The following DIP2B variants were observed in gnomAD, a reference collection of about 807,000 sequenced individuals.
DIP2B encodes the protein disco-interacting protein 2 homolog B.
DIP2B carries 76 observed loss-of-function variants against 198.0 expected under a neutral mutation model. The observed-to-expected ratio is 0.38, with a 90% CI of 0.32 to 0.46. The LOEUF (loss-of-function observed/expected upper bound fraction) is 0.46, where lower values mean the gene tolerates loss of function less well. Ranked by LOEUF, DIP2B falls within the 20% of genes least tolerant of loss-of-function variation. DIP2B has a pLI of 0.99. For synonymous variants in DIP2B, 701 were observed against 739.1 expected, an observed-to-expected ratio of 0.95 and a Z score of 0.84; for missense variants, 1,559 against 1,978.4, an observed-to-expected ratio of 0.79 and a Z score of 4.02.
Position 50,594,163 on chromosome 12 carries a change from C to T in DIP2B, c.101-31813C>T, listed in dbSNP as rs188010087. Reference sequence around the variant, plus strand: ...TTCACCCTGTTGGCTGGGCTGGTCTCGAATTCCTGAGCTCAGGTAATCCAC... The same window carrying T: ...TTCACCCTGTTGGCTGGGCTGGTCTTGAATTCCTGAGCTCAGGTAATCCAC... On this transcript the variant is annotated intron_variant, in intron 1 of 37. Coordinates refer to ENST00000301180, the MANE Select transcript of DIP2B (RefSeq NM_173602.3). Among the ~76,000 whole-genome samples the T allele has an allele frequency of 7.9e-4, 119 of 151,286 alleles. 3 individuals are homozygous for T. Among genetic ancestry groups the T allele is most frequent in the Admixed American group, 6.5e-3 (98 of 15,170 alleles).
chr12:50,514,156 C>G (rs982687727), intron 1 of DIP2B, among the ~76,000 whole-genome samples: 1 of 150,792 alleles, frequency 6.6e-6, no homozygotes, highest in Non-Finnish European at 1.5e-5. Context: ...ACCTCCGCCT[C>G]CCGGGTTCAA....
intron 18 of DIP2B, among the ~76,000 whole-genome samples, 175 bp downstream of exon 18, chr12:50,698,642 G>A (rs1013085625): frequency 1.6e-4 from 24 of 152,324 alleles, no homozygotes; most frequent in African/African-American, 5.5e-4. Flanking sequence ...CCTTCCAGCA[G>A]TATTGTATGA....
intron 1 of DIP2B, among the ~76,000 whole-genome samples, chr12:50,534,662 C>T (rs1209610342): frequency 6.6e-6 from 1 of 152,168 alleles, no homozygotes; most frequent in Non-Finnish European, 1.5e-5. Flanking sequence ...CCATGCCCGG[C>T]CTCAGTTGGT....
chr12:50,664,032 G>A (rs776480748), intron 4 of DIP2B, among the ~76,000 whole-genome samples: 1 of 152,058 alleles, frequency 6.6e-6, no homozygotes, highest in Non-Finnish European at 1.5e-5. Flanking sequence ...TTGGGTCAAG[G>A]CTGTCACTCT....
intron 1 of DIP2B, among the ~76,000 whole-genome samples, chr12:50,593,712 T>TCCC (rs1958842072): frequency 1.2e-4 from 1 of 8,544 alleles, no homozygotes; most frequent in African/African-American, 9.8e-4. Context: ...TCTCCCCTCC[T>TCCC]CTCCTCTCCT....
rs368161539 is a variant in DIP2B at position 50,516,267 on chromosome 12, C to T, written c.100+11027C>T. On this transcript the variant is annotated intron_variant, in intron 1 of 37. Coordinates refer to ENST00000301180, the MANE Select transcript of DIP2B (RefSeq NM_173602.3). ...TCTCTATCTCTATCTCTATCTCTATCTCTATATCGAGAGAGTCTTGCTCGT... is the reference window on the plus strand; with the variant it reads ...TCTCTATCTCTATCTCTATCTCTATTTCTATATCGAGAGAGTCTTGCTCGT... Among the ~76,000 whole-genome samples the T allele has an allele frequency of 3.0e-4, 46 of 151,410 alleles. No individual in the cohort carries two copies. In the South Asian group the frequency reaches 9.6e-3, roughly 32 times the overall value.
intron 1 of DIP2B, among the ~76,000 whole-genome samples, chr12:50,601,946 C>T (rs931779441): frequency 1.3e-5 from 2 of 152,182 alleles, no homozygotes; most frequent in African/African-American, 4.8e-5. Flanking sequence ...ATAGTTATTG[C>T]TCCAGTTGTA....
At chr12:50,663,390 T>A (rs566936955) in intron 4 of DIP2B, among the ~76,000 whole-genome samples, 14 of 151,456 alleles carry the variant, frequency 9.2e-5, no homozygotes, top group African/African-American at 3.4e-4. Context: ...ACCCCGTCTC[T>A]ACTAAAAATA....
intron 1 of DIP2B, among the ~76,000 whole-genome samples, chr12:50,597,912 T>G (rs1295791957): frequency 2.6e-5 from 4 of 152,210 alleles, no homozygotes; most frequent in Non-Finnish European, 5.9e-5. Context: ...GCTGAGCTGT[T>G]TTCAGTCTTT....
At chr12:50,706,492 A>G (rs1321146049) in intron 20 of DIP2B, 46 bp from the exon 21 acceptor site, 24 of 1,596,532 alleles carry the variant, frequency 1.5e-5, no homozygotes, top group Non-Finnish European at 1.9e-5. Flanking sequence ...TGTCTGTTTT[A>G]CTATTTAAAT....
At chr12:50,620,371 A>G (rs1420613134) in intron 1 of DIP2B, among the ~76,000 whole-genome samples, 6 of 152,208 alleles carry the variant, frequency 3.9e-5, no homozygotes, top group Non-Finnish European at 7.3e-5. Flanking sequence ...AGTTGGAAAC[A>G]TAAGTCCTTT....
intron 1 of DIP2B, among the ~76,000 whole-genome samples, chr12:50,583,503 A>G (rs1165678098): frequency 6.6e-6 from 1 of 152,160 alleles, no homozygotes; most frequent in African/African-American, 2.4e-5. Context: ...CTCCCGGAGC[A>G]TCCCTATTGA....
At chr12:50,632,776 A>G (rs1055121545) in intron 2 of DIP2B, among the ~76,000 whole-genome samples, 10 of 151,796 alleles carry the variant, frequency 6.6e-5, no homozygotes, top group African/African-American at 2.4e-4. Flanking sequence ...ACCTCAAGTA[A>G]TCCGCCTCCC....
chr12:50,509,031 C>G (rs570904395), intron 1 of DIP2B, among the ~76,000 whole-genome samples: 2 of 152,294 alleles, frequency 1.3e-5, no homozygotes, highest in East Asian at 1.9e-4. Flanking sequence ...TGTTGATTCT[C>G]TCTCTGAAAT....
chr12:50,530,370 GTGCCC>G (rs1958205961), intron 1 of DIP2B, among the ~76,000 whole-genome samples: 1 of 152,214 alleles, frequency 6.6e-6, no homozygotes, highest in African/African-American at 2.4e-5. Flanking sequence ...GTGAGCCACT[GTGCCC>G]TGCCTCCTCC....
At chr12:50,583,096 A>G (rs903676174) in intron 1 of DIP2B, among the ~76,000 whole-genome samples, 1 of 152,244 alleles carries the variant, frequency 6.6e-6, no homozygotes, top group Non-Finnish European at 1.5e-5. Flanking sequence ...CATAACCACA[A>G]GCCACAAATG....
chr12:50,613,517 A>G (rs1175635540), intron 1 of DIP2B, among the ~76,000 whole-genome samples: 3 of 152,122 alleles, frequency 2.0e-5, no homozygotes, highest in Non-Finnish European at 4.4e-5. Context: ...AGGTATCTCT[A>G]AAGTCCTGCA....
intron 1 of DIP2B, among the ~76,000 whole-genome samples, chr12:50,583,628 A>G (rs941219875): frequency 7.2e-5 from 11 of 152,214 alleles, no homozygotes; most frequent in African/African-American, 2.4e-4. Context: ...AACCCATCCT[A>G]AGTTGAAAAT....
chr12:50,670,544 T>C (rs981095537), intron 4 of DIP2B, among the ~76,000 whole-genome samples: 8 of 152,006 alleles, frequency 5.3e-5, no homozygotes, highest in Admixed American at 2.0e-4. Flanking sequence ...GCCTCCCAAG[T>C]AGCTGGGATT....
Sources: gnomAD v4.1 joint callset for allele counts (sites outside exome capture counted in the v4.1 genomes callset) on GRCh38, gnomAD v4.1.1 for gene constraint, MANE v1.5 for transcripts, NCBI Gene and HGNC (gene_info 2026-07-23, HGNC 2026-07-21) for gene names.